The following HEMK2 variants were observed in gnomAD, a reference collection of about 807,000 sequenced individuals.
The protein encoded by HEMK2 is methyltransferase HEMK2.
chr21:28,871,249 C>T, the HEMK2 span, among the ~76,000 whole-genome samples: 1 of 152,138 alleles, frequency 6.6e-6, no homozygotes, highest in African/African-American at 2.4e-5. Context: ...AATTGGCTCA[C>T]GGTTCCACAG....
the HEMK2 span, among the ~76,000 whole-genome samples, chr21:28,620,304 C>T: frequency 1.3e-5 from 2 of 152,218 alleles, no homozygotes; most frequent in Middle Eastern, 3.4e-3. Flanking sequence ...GGAGGAGTCC[C>T]GCTTTTTCTA....
At chr21:28,852,591 G>A in the HEMK2 span, among the ~76,000 whole-genome samples, 1 of 152,272 alleles carries the variant, frequency 6.6e-6, no homozygotes, top group South Asian at 2.1e-4. Context: ...ATTGGAGAAA[G>A]AATTAACAGC....
the HEMK2 span, among the ~76,000 whole-genome samples, chr21:28,700,622 A>G: frequency 1.1e-3 from 164 of 152,290 alleles, 1 homozygote; most frequent in Middle Eastern, 0.01. Flanking sequence ...TGAACACACC[A>G]ATGATGAGTT....
chr21:28,733,365 T>C, the HEMK2 span, among the ~76,000 whole-genome samples: 7 of 152,216 alleles, frequency 4.6e-5, no homozygotes, highest in Non-Finnish European at 7.3e-5. Context: ...ATTTCCCTGT[T>C]TGTAGCAGAA....
At chr21:28,592,650 C>T in the HEMK2 span, among the ~76,000 whole-genome samples, 256 of 152,316 alleles carry the variant, frequency 1.7e-3, 2 homozygotes, top group African/African-American at 5.4e-3. Flanking sequence ...GACTCATTTC[C>T]TGGTCTTTCA....
At chr21:28,608,409 T>C in the HEMK2 span, among the ~76,000 whole-genome samples, 3 of 143,178 alleles carry the variant, frequency 2.1e-5, no homozygotes, top group East Asian at 6.2e-4. Context: ...AAAAAAGAAA[T>C]GCGATACCAG....
At chr21:28,862,016 C>G in the HEMK2 span, among the ~76,000 whole-genome samples, 1 of 152,174 alleles carries the variant, frequency 6.6e-6, no homozygotes, top group Non-Finnish European at 1.5e-5. Flanking sequence ...ACACTTTGGG[C>G]TCCTCCTACC....
the HEMK2 span, among the ~76,000 whole-genome samples, chr21:28,589,524 G>A: frequency 2.6e-5 from 4 of 152,266 alleles, no homozygotes; most frequent in Non-Finnish European, 4.4e-5. Flanking sequence ...TATGGGCATA[G>A]GGGTTAACAA....
the HEMK2 span, among the ~76,000 whole-genome samples, chr21:28,736,793 T>TAAA: frequency 7.1e-6 from 1 of 141,594 alleles, no homozygotes; most frequent in Non-Finnish European, 1.6e-5. Context: ...TGGATACAAT[T>TAAA]AAAAAAAAAA....
At chr21:28,660,632 T>C in the HEMK2 span, among the ~76,000 whole-genome samples, 4 of 152,014 alleles carry the variant, frequency 2.6e-5, no homozygotes, top group Non-Finnish European at 5.9e-5. Flanking sequence ...TGGTGTAATA[T>C]ATTGTTATAT....
chr21:28,631,101 T>C, the HEMK2 span, among the ~76,000 whole-genome samples: 2 of 152,008 alleles, frequency 1.3e-5, no homozygotes, highest in African/African-American at 4.8e-5. Flanking sequence ...AGAGGAAAAT[T>C]TAGATATTCC....
At chr21:28,678,584 C>T in the HEMK2 span, among the ~76,000 whole-genome samples, 12 of 152,130 alleles carry the variant, frequency 7.9e-5, no homozygotes, top group Non-Finnish European at 5.9e-5. Flanking sequence ...CTCCAAGACA[C>T]ATAATTGTCA....
chr21:28,628,563 T>C, the HEMK2 span, among the ~76,000 whole-genome samples: 1 of 152,210 alleles, frequency 6.6e-6, no homozygotes, highest in Admixed American at 6.5e-5. Context: ...GTGATTCTCC[T>C]GCCTCAGCCT....
the HEMK2 span, among the ~76,000 whole-genome samples, chr21:28,752,463 T>C: frequency 1.3e-5 from 2 of 152,238 alleles, no homozygotes; most frequent in Non-Finnish European, 2.9e-5. Flanking sequence ...AGAAATGCCC[T>C]ATGATAATCT....
the HEMK2 span, among the ~76,000 whole-genome samples, chr21:28,581,950 A>T: frequency 6.6e-6 from 1 of 152,230 alleles, no homozygotes; most frequent in East Asian, 1.9e-4. Flanking sequence ...ATGTAGATAT[A>T]ATCTTTCACT....
At chr21:28,761,774 G>A in the HEMK2 span, among the ~76,000 whole-genome samples, 2 of 151,986 alleles carry the variant, frequency 1.3e-5, no homozygotes, top group Admixed American at 6.6e-5. Flanking sequence ...GAGAAGGCAC[G>A]CAACAGGTTG....
chr21:28,864,502 A>T, the HEMK2 span, among the ~76,000 whole-genome samples: 2 of 152,168 alleles, frequency 1.3e-5, no homozygotes, highest in African/African-American at 2.4e-5. Context: ...TGATGAGCTC[A>T]TTCAATCACA....
chr21:28,719,425 A>G, the HEMK2 span, among the ~76,000 whole-genome samples: 1 of 152,196 alleles, frequency 6.6e-6, no homozygotes. Flanking sequence ...TGATGGTTTT[A>G]TAAATGGGAG....
the HEMK2 span, chr21:28,882,064 T>C: frequency 1.1e-6 from 1 of 871,462 alleles, no homozygotes; most frequent in Non-Finnish European, 1.7e-6. Flanking sequence ...TACTGCTTAG[T>C]GGGTCAAAAG....
Sources: gnomAD v4.1 joint callset for allele counts (sites outside exome capture counted in the v4.1 genomes callset) on GRCh38, gnomAD v4.1.1 for gene constraint, MANE v1.5 for transcripts, NCBI Gene and HGNC (gene_info 2026-07-23, HGNC 2026-07-21) for gene names.